Variants in NCR2 observed in about 807,000 individuals in gnomAD.
NCR2 encodes the protein natural cytotoxicity triggering receptor 2, also known as NK cell activating receptor (NKp44).
NCR2 carries 35 observed loss-of-function variants against 30.7 expected under a neutral mutation model. The observed-to-expected ratio is 1.14, with a 90% confidence interval of 0.87 to 1.51. The LOEUF (loss-of-function observed/expected upper bound fraction) is 1.51, where lower values mean the gene tolerates loss of function less well. Ranked by LOEUF, NCR2 falls within the 40% of genes most tolerant of loss-of-function variation. The pLI is 0.00. For missense variants in NCR2, 316 were observed against 328.9 expected (o/e 0.96, Z 0.30); for synonymous variants, 146 against 134.8 (o/e 1.08, Z -0.58).
chr6:41,349,689 C>G (rs61604103), intron 4 of NCR2, among the ~76,000 whole-genome samples: 4,002 of 152,220 alleles, frequency 0.026, 165 homozygotes, highest in African/African-American at 0.087. Flanking sequence ...ACCAGAAGCT[C>G]CTGCCCTCCA....
chr6:41,349,967 A>G (rs1769389691), intron 4 of NCR2, among the ~76,000 whole-genome samples: 1 of 152,218 alleles, frequency 6.6e-6, no homozygotes, highest in African/African-American at 2.4e-5. Flanking sequence ...AGAAGAAACC[A>G]GGTAGCACTT....
intron 4 of NCR2, among the ~76,000 whole-genome samples, chr6:41,346,122 C>A (rs781375186): frequency 1.3e-5 from 2 of 152,172 alleles, no homozygotes; most frequent in African/African-American, 4.8e-5. Context: ...ATCTGGGGCA[C>A]GGCTCTTTAT....
Position 41,335,841 on chromosome 6 carries a change from G to C in NCR2, c.-36G>C. The C allele has an allele frequency of 2.6e-6, 4 of 1,551,890 alleles. No homozygotes were observed. Among genetic ancestry groups the C allele is most frequent in the African/African-American group, 1.4e-5 (1 of 73,466 alleles). The stretch of plus-strand genomic sequence containing the variant: ...ATTCCCTCTCCCCAGTCTTCTCCAG[G>C]TGTCCCCTCCCATGAGCGCACAGGA... On this transcript the variant is annotated 5_prime_UTR_variant, in exon 1 of 5. Transcript: ENST00000373089.
chr6:41,340,132 G>T (rs1769132822), intron 2 of NCR2, among the ~76,000 whole-genome samples: 1 of 129,870 alleles, frequency 7.7e-6, no homozygotes, highest in Non-Finnish European at 1.5e-5. Flanking sequence ...TACACTTTTG[G>T]GCTATAGCTA....
intron 2 of NCR2, 109 bp from the exon 3 acceptor site, chr6:41,341,685 G>T (rs538421898): frequency 7.4e-7 from 1 of 1,358,194 alleles, no homozygotes; most frequent in East Asian, 2.3e-5. Context: ...TTCTCTGGGC[G>T]CATGGGCTCT....
chr6:41,335,963 A>G (rs779457359), intron 1 of NCR2, 35 bp downstream of exon 1: 1 of 1,576,806 alleles, frequency 6.3e-7, no homozygotes, highest in Non-Finnish European at 8.6e-7. Flanking sequence ...AGCAGAGGAG[A>G]TGGGTGTGGT....
chr6:41,335,797 G>T lies in NCR2; in HGVS notation c.-80G>T. ...TATCAGACGTGCTGGAAGAGCAGCA[G>T]AATCAGGCCCAGCTCCCAATTCCCT... On this transcript the variant is annotated 5_prime_UTR_variant, in exon 1 of 5. Transcript: ENST00000373089. 9.7e-6 allele frequency: 14 copies of T among 1,448,282 alleles called. No individual in the cohort carries two copies. Among genetic ancestry groups the T allele is most frequent in the Non-Finnish European group, 1.3e-5 (14 of 1,052,676 alleles). The allele number at this position is 1,448,282 out of a possible 1,614,324, so 89.7% of individuals were successfully genotyped here. A position where few individuals can be genotyped will look rare whatever the true frequency, so the allele number is the denominator to read the frequency against.
chr6:41,336,478 G>T, intron 2 of NCR2, 50 bp downstream of exon 2: 1 of 1,490,474 alleles, frequency 6.7e-7, no homozygotes, highest in Non-Finnish European at 9.2e-7. Flanking sequence ...ACCCCCTTTT[G>T]GTGCCTCCAT....
At chr6:41,350,259 C>T (rs2114070939) in intron 4 of NCR2, among the ~76,000 whole-genome samples, 1 of 152,296 alleles carries the variant, frequency 6.6e-6, no homozygotes, top group East Asian at 1.9e-4. Context: ...AAAAGGAGAA[C>T]ACCCAACAAA....
intron 2 of NCR2, among the ~76,000 whole-genome samples, chr6:41,341,560 C>T (rs1419180412): frequency 1.3e-5 from 2 of 152,094 alleles, no homozygotes; most frequent in Non-Finnish European, 2.9e-5. Context: ...TTCCAGTGCT[C>T]CTCCTAGACT....
rs1246659960 is a variant in NCR2, at chr6:41,350,746, T to C, written c.713T>C (p.Leu238Pro). 1 of 1,612,982 alleles carries C rather than the reference T, an allele frequency of 6.2e-7. No homozygotes were observed. The highest frequency in any genetic ancestry group is 2.2e-5 in the East Asian group (1 of 44,890). Residue 238 changes from leucine (L) to proline (P), a missense_variant, in exon 5 of 5, where the codon CTT becomes CCT. Physicochemically the swap from Leu to Pro is moderately conservative, Grantham distance 98 (BLOSUM62 -3). Coordinates refer to ENST00000373089, the MANE Select transcript of NCR2 (RefSeq NM_004828.4). The stretch of plus-strand genomic sequence containing the variant: ...GATACCCAAAAAGCCACCTGCCACC[T>C]TCAACAGGTCACGGACCTTCCCTGG... The part of the protein sequence containing the change: ...SLDTQKATCH[L>P]QQVTDLPWTS...
intron 4 of NCR2, among the ~76,000 whole-genome samples, chr6:41,347,737 G>T (rs1769337044): frequency 6.6e-6 from 1 of 152,200 alleles, no homozygotes; most frequent in African/African-American, 2.4e-5. Context: ...TTTTTGGGGG[G>T]ATGGGGGTGT....
At chr6:41,343,089 T>C (rs1024890430) in intron 4 of NCR2, 2 of 1,358,990 alleles carry the variant, frequency 1.5e-6, no homozygotes, top group Admixed American at 4.2e-5. Context: ...TGACCTCTGC[T>C]GTTATCCGCA....
intron 4 of NCR2, among the ~76,000 whole-genome samples, chr6:41,348,060 G>A (rs1005980222): frequency 1.4e-4 from 21 of 152,252 alleles, no homozygotes; most frequent in East Asian, 3.9e-4. Flanking sequence ...TCTACTCATC[G>A]GAAGCCAGTC....
chr6:41,337,414 A>C (rs1363366706), intron 2 of NCR2, among the ~76,000 whole-genome samples: 17 of 152,226 alleles, frequency 1.1e-4, no homozygotes, highest in Admixed American at 1.1e-3. Flanking sequence ...GTCATTCCTC[A>C]GTTAAAACTA....
At chr6:41,345,769 C>G (rs1055851049) in intron 4 of NCR2, among the ~76,000 whole-genome samples, 9 of 152,206 alleles carry the variant, frequency 5.9e-5, no homozygotes, top group African/African-American at 2.2e-4. Flanking sequence ...AATTCCCACT[C>G]GTCCCAAATC....
At chr6:41,336,879 A>G (rs1282461361) in intron 2 of NCR2, among the ~76,000 whole-genome samples, 1 of 149,698 alleles carries the variant, frequency 6.7e-6, no homozygotes, top group Non-Finnish European at 1.5e-5. Flanking sequence ...AAAACTAAGA[A>G]TGAGTGAAAA....
At chr6:41,346,449 C>T (rs893753748) in intron 4 of NCR2, among the ~76,000 whole-genome samples, 1 of 152,194 alleles carries the variant, frequency 6.6e-6, no homozygotes, top group Non-Finnish European at 1.5e-5. Context: ...CCACCCGCCC[C>T]TTTCCGCCAT....
intron 4 of NCR2, among the ~76,000 whole-genome samples, chr6:41,342,704 G>A (rs543495849): frequency 6.6e-6 from 1 of 152,278 alleles, no homozygotes; most frequent in African/African-American, 2.4e-5. Flanking sequence ...CCTCATTCTA[G>A]TCCTGAGGGA....
Sources: allele counts gnomAD v4.1 joint callset (sites outside exome capture counted in the v4.1 genomes callset), GRCh38; gene constraint gnomAD v4.1.1; transcripts MANE v1.5; gene names NCBI Gene and HGNC (gene_info 2026-07-23, HGNC 2026-07-21).